DTNBP1: variants seen among roughly 807,000 people sequenced by gnomAD.
The protein encoded by DTNBP1 is dystrobrevin binding protein 1, also known as dysbindin.
DTNBP1 carries 35 observed loss-of-function variants against 42.8 expected under a neutral mutation model. The observed-to-expected ratio is 0.82, with a 90% CI of 0.63 to 1.09. The LOEUF (loss-of-function observed/expected upper bound fraction) is 1.09. DTNBP1 is among the 50% of genes least tolerant of loss of function. The pLI is 0.00. For synonymous variants in DTNBP1, 171 were observed against 162.2 expected (o/e 1.05, Z -0.41); for missense variants, 457 against 424.2 (o/e 1.08, Z -0.68).
intron 5 of DTNBP1, among the ~76,000 whole-genome samples, chr6:15,620,719 T>C (rs1033690988): frequency 1.3e-5 from 2 of 152,244 alleles, no homozygotes; most frequent in Non-Finnish European, 2.9e-5. Flanking sequence ...TCCATTTAAC[T>C]CTAAGCTACT....
At chr6:15,658,168 C>T (rs1188479420) in intron 1 of DTNBP1, among the ~76,000 whole-genome samples, 1 of 152,186 alleles carries the variant, frequency 6.6e-6, no homozygotes, top group Non-Finnish European at 1.5e-5. Flanking sequence ...AGCATATGGG[C>T]TCTCAAATCT....
intron 9 of DTNBP1, 36 bp downstream of exon 9, chr6:15,524,490 G>A: frequency 6.2e-7 from 1 of 1,611,138 alleles, no homozygotes; most frequent in Non-Finnish European, 8.5e-7. Context: ...CATCGATACT[G>A]CCCTGGTTCA....
At chr6:15,578,549 G>A (rs903712170) in intron 7 of DTNBP1, among the ~76,000 whole-genome samples, 18 of 152,080 alleles carry the variant, frequency 1.2e-4, no homozygotes, top group African/African-American at 4.3e-4. Context: ...AGAAAAGTAA[G>A]GAATTATTGC....
intron 7 of DTNBP1, among the ~76,000 whole-genome samples, chr6:15,566,000 A>G (rs1031445834): frequency 1.3e-5 from 2 of 152,244 alleles, no homozygotes; most frequent in African/African-American, 4.8e-5. Context: ...CATGCAGTAG[A>G]AAGATCACAG....
In DTNBP1 at chr6:15,575,837, CAGGAAATAGCCCTG is replaced by C. The variant is rs1187785528; in HGVS notation, c.511+17208_511+17221del. Among the ~76,000 whole-genome samples, 3 of 152,244 alleles carry C rather than the reference CAGGAAATAGCCCTG, an allele frequency of 2.0e-5. No individual in the cohort carries two copies. The East Asian group carries it at 5.8e-4, about 29-fold the overall frequency. On this transcript the variant is annotated intron_variant, in intron 7 of 9. Coordinates refer to ENST00000344537, the MANE Select transcript of DTNBP1 (RefSeq NM_032122.5). Reference sequence around the variant, plus strand: ...GAGATGGGGCAGTTTCAGAGGGAAACAGGAAATAGCCCTGTGAGGTGAAGAGCATAAAGAAATGG... The same window carrying C: ...GAGATGGGGCAGTTTCAGAGGGAAACTGAGGTGAAGAGCATAAAGAAATGG...
At chr6:15,590,289 A>G (rs920207720) in intron 7 of DTNBP1, among the ~76,000 whole-genome samples, 3 of 138,914 alleles carry the variant, frequency 2.2e-5, no homozygotes, top group Non-Finnish European at 4.8e-5. Flanking sequence ...CAGCTCTTTC[A>G]GGTCACCAAT....
At chr6:15,549,185 T>C (rs1774060753) in intron 7 of DTNBP1, among the ~76,000 whole-genome samples, 1 of 152,116 alleles carries the variant, frequency 6.6e-6, no homozygotes, top group South Asian at 2.1e-4. Flanking sequence ...CTGATTTTCT[T>C]CTTTTTAAAG....
intron 9 of DTNBP1, chr6:15,523,451 G>A: frequency 1.5e-6 from 2 of 1,294,794 alleles, no homozygotes; most frequent in South Asian, 3.0e-5. Flanking sequence ...TCAGCCACAT[G>A]TGACACAGAT....
chr6:15,610,303 G>C (rs1003451898), intron 6 of DTNBP1, among the ~76,000 whole-genome samples: 20 of 152,166 alleles, frequency 1.3e-4, no homozygotes, highest in African/African-American at 4.8e-4. Context: ...TCATTGTTTT[G>C]GGGTGCCACA....
intron 6 of DTNBP1, among the ~76,000 whole-genome samples, chr6:15,593,886 T>C (rs771222745): frequency 6.6e-6 from 1 of 152,196 alleles, no homozygotes; most frequent in South Asian, 2.1e-4. Flanking sequence ...CAGGTTTTAC[T>C]AAAAATCTAG....
At chr6:15,552,339 T>A (rs765573878) in intron 7 of DTNBP1, among the ~76,000 whole-genome samples, 1 of 152,226 alleles carries the variant, frequency 6.6e-6, no homozygotes, top group Non-Finnish European at 1.5e-5. Context: ...GAACCTTTCT[T>A]TGGGGTTGAC....
intron 5 of DTNBP1, among the ~76,000 whole-genome samples, chr6:15,621,677 C>T (rs1759050424): frequency 6.6e-6 from 1 of 152,182 alleles, no homozygotes; most frequent in Non-Finnish European, 1.5e-5. Flanking sequence ...TTCACAGGCT[C>T]CCCAGCCCTT....
intron 7 of DTNBP1, among the ~76,000 whole-genome samples, chr6:15,560,023 T>TG (rs1774751886): frequency 6.6e-6 from 1 of 152,112 alleles, no homozygotes; most frequent in Non-Finnish European, 1.5e-5. Context: ...AATAAAAATG[T>TG]GGGGCCAGGC....
chr6:15,603,366 G>A (rs1414319567), intron 6 of DTNBP1, among the ~76,000 whole-genome samples: 1 of 152,182 alleles, frequency 6.6e-6, no homozygotes, highest in Non-Finnish European at 1.5e-5. Flanking sequence ...AGAGGGGGGA[G>A]TAAAAGGAGA....
intron 7 of DTNBP1, among the ~76,000 whole-genome samples, chr6:15,541,583 A>C (rs1191393800): frequency 5.3e-5 from 8 of 152,174 alleles, no homozygotes; most frequent in Non-Finnish European, 1.2e-4. Context: ...GTCAAGAGTA[A>C]TCATTTAATT....
chr6:15,586,037 C>T, intron 7 of DTNBP1: 1 of 1,170,912 alleles, frequency 8.5e-7, no homozygotes, highest in Non-Finnish European at 1.1e-6. Context: ...CGGTCTGGGA[C>T]CATACCAAAT....
chr6:15,540,239 C>A (rs1486932472), intron 7 of DTNBP1, among the ~76,000 whole-genome samples: 1 of 152,160 alleles, frequency 6.6e-6, no homozygotes, highest in Non-Finnish European at 1.5e-5. Context: ...ATTTGTTTCA[C>A]TTCAGTTGTC....
At chr6:15,541,523 G>A (rs1773560830) in intron 7 of DTNBP1, among the ~76,000 whole-genome samples, 2 of 152,042 alleles carry the variant, frequency 1.3e-5, no homozygotes, top group Non-Finnish European at 2.9e-5. Context: ...ATGGACTTCA[G>A]ATTAAAAGAA....
chr6:15,543,152 C>T (rs1490335108), intron 7 of DTNBP1, among the ~76,000 whole-genome samples: 1 of 152,154 alleles, frequency 6.6e-6, no homozygotes, highest in Non-Finnish European at 1.5e-5. Context: ...ACAACTAGCA[C>T]ATTTTGGTGT....
Sources: allele counts gnomAD v4.1 joint callset (sites outside exome capture counted in the v4.1 genomes callset), GRCh38; gene constraint gnomAD v4.1.1; transcripts MANE v1.5; gene names NCBI Gene and HGNC (gene_info 2026-07-23, HGNC 2026-07-21).